Variants in ZNF516 observed in about 807,000 individuals in gnomAD.
ZNF516 encodes the protein zinc finger protein 516.
ZNF516 carries 19 observed loss-of-function variants against 79.7 expected under a neutral mutation model. The observed-to-expected ratio is 0.24, with a 90% CI of 0.17 to 0.35. The LOEUF is 0.35. Ranked by LOEUF, ZNF516 falls within the 10% of genes least tolerant of loss-of-function variation. ZNF516 has a pLI of 1.00. For missense variants in ZNF516, 1,678 were observed against 1,679.5 expected (o/e 1.00, Z 0.02); for synonymous variants, 877 against 739.5 (o/e 1.19, Z -3.02).
At chr18:76,486,900 G>A (rs141342244) in intron 1 of ZNF516, among the ~76,000 whole-genome samples, 96 of 152,190 alleles carry the variant, frequency 6.3e-4, no homozygotes, top group South Asian at 1.2e-3. Flanking sequence ...ACAGGAATAC[G>A]AAGTAAATCT....
intron 6 of ZNF516, among the ~76,000 whole-genome samples, chr18:76,370,077 G>C (rs1314356922): frequency 6.6e-6 from 1 of 152,326 alleles, no homozygotes; most frequent in South Asian, 2.1e-4. Flanking sequence ...CTTGCCAGTC[G>C]TGTTCGTAAT....
At chr18:76,426,051 G>A (rs1364584740) in intron 3 of ZNF516, among the ~76,000 whole-genome samples, 1 of 152,238 alleles carries the variant, frequency 6.6e-6, no homozygotes, top group Non-Finnish European at 1.5e-5. Context: ...AACTTTTAGA[G>A]AGCTATGTTA....
chr18:76,464,136 C>A (rs765292981), intron 1 of ZNF516, among the ~76,000 whole-genome samples: 4 of 151,930 alleles, frequency 2.6e-5, no homozygotes, highest in Non-Finnish European at 4.4e-5. Context: ...CCAGCCTGGC[C>A]AACATGGTAA....
chr18:76,490,734 G>T (rs906890770), intron 1 of ZNF516: 1 of 982,162 alleles, frequency 1.0e-6, no homozygotes, highest in East Asian at 1.1e-4. Context: ...ATGCCTTTCT[G>T]CTGTATGTGT....
Position 76,443,063 on chromosome 18 carries a change from C to T in ZNF516, c.-9G>A, listed in dbSNP as rs1013553534. On this transcript the variant is annotated 5_prime_UTR_variant, in exon 3 of 7. Coordinates refer to ENST00000443185, the MANE Select transcript of ZNF516 (RefSeq NM_014643.4). ...TCTCTGTTGCGATCCATCCGAAGGA[C>T]GGGCGCGGCCGGTGGTGGCGGCACA... 4.5e-6 allele frequency: 7 copies of T among 1,571,684 alleles called. No homozygotes were observed. The highest frequency in any genetic ancestry group is 1.8e-5 in the Admixed American group (1 of 54,912).
rs1915361762 is a variant in ZNF516, at chr18:76,493,680, C to G, written c.-272+1464G>C. The G allele has an allele frequency of 6.6e-6, 1 of 152,236 alleles. No individual in the cohort carries two copies. Among genetic ancestry groups the G allele is most frequent in the African/African-American group, 2.4e-5 (1 of 41,448 alleles). 9.4% of individuals were successfully genotyped at this position (152,236 alleles called of 1,614,324 possible). On this transcript the variant is annotated intron_variant, in intron 1 of 6. Transcript: ENST00000443185. This position sits in a 1 kb window ranked among gnomAD's most constrained non-coding sequence, Gnocchi z 5.2. ...AAGACCTGACGTCACAATTCACTCC[C>G]TGAAAAATCACACTCCCCCTCCAGT... is the stretch of plus-strand genomic sequence containing the variant.
intron 1 of ZNF516, among the ~76,000 whole-genome samples, chr18:76,476,537 T>C (rs541690004): frequency 6.6e-6 from 1 of 152,338 alleles, no homozygotes; most frequent in South Asian, 2.1e-4. Flanking sequence ...GCTACTGGAA[T>C]TCCTCTCATT....
chr18:76,396,544 C>A (rs1160847508), intron 3 of ZNF516, among the ~76,000 whole-genome samples: 1 of 152,168 alleles, frequency 6.6e-6, no homozygotes, highest in Non-Finnish European at 1.5e-5. Flanking sequence ...TCACAGTCAT[C>A]AACAGTGTTG....
chr18:76,433,921 C>T (rs1381281922), intron 3 of ZNF516, among the ~76,000 whole-genome samples: 1 of 152,170 alleles, frequency 6.6e-6, no homozygotes, highest in Non-Finnish European at 1.5e-5. Context: ...GGGTGCACAC[C>T]GCTCCATGGC....
intron 1 of ZNF516, 23 bp from the exon 2 acceptor site, chr18:76,463,164 A>G (rs1350626505): frequency 2.0e-5 from 3 of 152,236 alleles, no homozygotes; most frequent in Non-Finnish European, 4.4e-5. Context: ...AAAGTTTAGT[A>G]TTCATCTAAT....
chr18:76,489,043 G>C (rs1015868819), intron 1 of ZNF516, among the ~76,000 whole-genome samples: 1 of 152,230 alleles, frequency 6.6e-6, no homozygotes, highest in Non-Finnish European at 1.5e-5. Flanking sequence ...AACGCAGTGA[G>C]CTTATATTTC....
intron 3 of ZNF516, among the ~76,000 whole-genome samples, chr18:76,434,755 A>G (rs1404215792): frequency 6.6e-6 from 1 of 152,262 alleles, no homozygotes; most frequent in Non-Finnish European, 1.5e-5. Context: ...GAAGCTGGAC[A>G]CTAACAGGAA....
intron 2 of ZNF516, among the ~76,000 whole-genome samples, chr18:76,452,375 C>T (rs1310660441): frequency 6.6e-6 from 1 of 152,164 alleles, no homozygotes; most frequent in African/African-American, 2.4e-5. Context: ...TTAGCACCCC[C>T]CAAATAAATC....
upstream of ZNF516, chr18:76,495,262 C>A (rs1435799384): frequency 6.9e-6 from 1 of 145,850 alleles, no homozygotes; most frequent in Non-Finnish European, 1.5e-5. Context: ...GCGCCAGCTG[C>A]GCCCGGGCGC....
chr18:76,426,881 T>C (rs1475439205), intron 3 of ZNF516, among the ~76,000 whole-genome samples: 1 of 152,220 alleles, frequency 6.6e-6, no homozygotes, highest in Non-Finnish European at 1.5e-5. Context: ...ACAGGGCCTC[T>C]GGATGGACAA....
rs1289363305 is a variant in ZNF516 at position 76,379,444 on chromosome 18, A to C, written c.2670T>G (p.Pro890=). 4 of 1,612,582 alleles carry C rather than the reference A, an allele frequency of 2.5e-6. No homozygotes were observed. Among genetic ancestry groups the C allele is most frequent in the Admixed American group, 3.3e-5 (2 of 59,932 alleles). The change falls in exon 4 of 7, where the codon CCT becomes CCG. Residue 890 remains proline, a synonymous_variant. Coordinates refer to ENST00000443185, the MANE Select transcript of ZNF516 (RefSeq NM_014643.4). Reference sequence around the variant, plus strand: ...CGCCATGTGGCTCCTGGCCGTGACAAGGTTTGGTCTGTCGATACCCGTCAG... The same window carrying C: ...CGCCATGTGGCTCCTGGCCGTGACACGGTTTGGTCTGTCGATACCCGTCAG... ...PGPDGYRQTK[P]CHGQEPHGAA...
chr18:76,456,722 A>G (rs1467057729), intron 2 of ZNF516, among the ~76,000 whole-genome samples: 2 of 114,642 alleles, frequency 1.7e-5, no homozygotes, highest in Non-Finnish European at 3.8e-5. Flanking sequence ...CAGAAGGCAA[A>G]ACTCACTGAT....
At chr18:76,364,260 TA>T (rs1379397841) in intron 6 of ZNF516, among the ~76,000 whole-genome samples, 7 of 152,234 alleles carry the variant, frequency 4.6e-5, no homozygotes, top group African/African-American at 1.7e-4. Flanking sequence ...CTCATTTTTT[TA>T]AGATAGTTGC....
At chr18:76,489,309 AT>A (rs1385960332) in intron 1 of ZNF516, among the ~76,000 whole-genome samples, 2 of 152,222 alleles carry the variant, frequency 1.3e-5, no homozygotes, top group Non-Finnish European at 2.9e-5. Flanking sequence ...ATTTTTCCCC[AT>A]TTGGTAAGAC....
Sources: gnomAD v4.1 joint callset for allele counts (sites outside exome capture counted in the v4.1 genomes callset) on GRCh38, gnomAD v4.1.1 for gene constraint, Gnocchi (gnomAD v3.1) non-coding constraint, MANE v1.5 for transcripts, NCBI Gene and HGNC (gene_info 2026-07-23, HGNC 2026-07-21) for gene names.